Variants in RAB33A observed in about 807,000 individuals in gnomAD.
The protein encoded by RAB33A is ras-related protein Rab-33A.
A neutral mutation model predicts 12.0 loss-of-function variants in RAB33A; 6 were observed. That is an observed-to-expected ratio of 0.50 (90% CI 0.27 to 0.99). RAB33A has a LOEUF of 0.99. Ranked by LOEUF, RAB33A falls within the 50% of genes least tolerant of loss-of-function variation. RAB33A has a pLI of 0.11. For synonymous variants in RAB33A, 70 were observed against 82.4 expected (o/e 0.85, Z 0.81); for missense variants, 109 against 192.0 (o/e 0.57, Z 2.55).
At chrX:130,156,983 A>G in the RAB33A span, among the ~76,000 whole-genome samples, 6 of 112,204 alleles carry the variant, frequency 5.3e-5, no homozygotes, top group South Asian at 2.2e-3. Context: ...CTGGGACATT[A>G]TAACAACCAT....
At chrX:130,171,950 A>G (rs779864370), upstream of RAB33A, 233 of 862,430 alleles carry the variant, frequency 2.7e-4, no homozygotes, top group Middle Eastern at 4.3e-4. Context: ...ACACACACAC[A>G]CGCGCGCACA....
rs993390362 is a variant in RAB33A, at chrX:130,184,664, C to T, written c.638C>T (p.Ala213Val). Residue 213 changes from alanine (A) to valine (V), a missense_variant, in exon 2 of 2, where the codon GCT (alanine) becomes GTT (valine). Transcript: ENST00000257017. ...CAGAAATCCCTGCTGTATCGTGATG[C>T]TGAGAGGCAGCAGGGGAAGGTGCAG... is the stretch of plus-strand genomic sequence containing the variant. ...KAQKSLLYRD[A>V]ERQQGKVQKL... The T allele has an allele frequency of 2.5e-6, 3 of 1,211,892 alleles. No homozygotes were observed. The highest frequency in any genetic ancestry group is 4.3e-5 in the Admixed American group (2 of 46,036).
At chrX:130,150,831 TG>T in the RAB33A span, among the ~76,000 whole-genome samples, 1 of 102,573 alleles carries the variant, frequency 9.7e-6, no homozygotes, top group Non-Finnish European at 2.0e-5. Flanking sequence ...AAAAATTAGC[TG>T]GGTGAGGTGA....
chrX:130,165,363 G>T, the RAB33A span, among the ~76,000 whole-genome samples: 3 of 112,367 alleles, frequency 2.7e-5, no homozygotes, highest in African/African-American at 6.5e-5. Flanking sequence ...TCTCTTGAAG[G>T]TCAGGTCGGC....
chrX:130,132,742 C>CTTT, the RAB33A span, among the ~76,000 whole-genome samples: 35 of 69,853 alleles, frequency 5.0e-4, 1 homozygote, highest in African/African-American at 1.4e-3. Flanking sequence ...TCTGACACTC[C>CTTT]TTTTTTTTTT....
At chrX:130,136,223 G>A in the RAB33A span, 18 of 1,204,706 alleles carry the variant, frequency 1.5e-5, no homozygotes, top group East Asian at 5.3e-4. Flanking sequence ...AATTACCACA[G>A]TTTCCATTTA....
the RAB33A span, chrX:130,138,629 G>C: frequency 8.3e-7 from 1 of 1,210,589 alleles, no homozygotes; most frequent in East Asian, 3.0e-5. Flanking sequence ...TCGCTACCAA[G>C]GAAGCCCCCA....
chrX:130,151,751 G>C, the RAB33A span, among the ~76,000 whole-genome samples: 1 of 112,203 alleles, frequency 8.9e-6, no homozygotes, highest in Non-Finnish European at 1.9e-5. Context: ...TTTTAAGAAA[G>C]GGACTTTAGC....
At chrX:130,118,962 G>GATGT in the RAB33A span, among the ~76,000 whole-genome samples, 1 of 111,741 alleles carries the variant, frequency 8.9e-6, no homozygotes, top group Non-Finnish European at 1.9e-5. Context: ...TGCGTCTCAG[G>GATGT]ATGTCTACGT....
the RAB33A span, chrX:130,165,989 C>T: frequency 2.5e-5 from 8 of 313,937 alleles, no homozygotes; most frequent in Non-Finnish European, 2.3e-5. Context: ...GTTTGTGGCA[C>T]AGTGTTGGAC....
At chrX:130,158,120 C>T in the RAB33A span, among the ~76,000 whole-genome samples, 27 of 108,135 alleles carry the variant, frequency 2.5e-4, no homozygotes, top group Non-Finnish European at 4.0e-4. Context: ...AAAAATTAGC[C>T]GGGCGTGGTG....
At position 130,184,221 on chromosome X, in the gene RAB33A, T is replaced by C. The variant is rs777546614; in HGVS notation, c.259-64T>C. 93 of 1,029,836 alleles carry C rather than the reference T, an allele frequency of 9.0e-5. No individual in the cohort carries two copies. The African/African-American group carries it at 1.4e-3, about 16-fold the overall frequency. 84.9% of individuals were successfully genotyped at this position (1,029,836 alleles called of 1,213,427 possible). On this transcript the variant is annotated intron_variant, in intron 1 of 1. Transcript: ENST00000257017. The stretch of plus-strand genomic sequence containing the variant: ...TCATTTTTATAGTGCTACAGAACCA[T>C]GTTTTCTCCTCTCTGTTCATGTTCC...
the RAB33A span, among the ~76,000 whole-genome samples, chrX:130,115,655 A>G: frequency 1.3e-5 from 1 of 76,809 alleles, no homozygotes; most frequent in Non-Finnish European, 2.8e-5. Flanking sequence ...AAAAGAAAGA[A>G]AGAGAGAAAG....
At chrX:130,132,576 T>C in the RAB33A span, among the ~76,000 whole-genome samples, 1 of 112,325 alleles carries the variant, frequency 8.9e-6, no homozygotes, top group East Asian at 2.8e-4. Context: ...AAACTTTTTA[T>C]TTAAAAAATT....
At chrX:130,181,820 G>T (rs890521555) in intron 1 of RAB33A, among the ~76,000 whole-genome samples, 2 of 110,038 alleles carry the variant, frequency 1.8e-5, no homozygotes, top group Non-Finnish European at 3.8e-5. Context: ...GGTGGCGCAC[G>T]ACTGTAATCC....
At chrX:130,127,047 G>A in the RAB33A span, among the ~76,000 whole-genome samples, 1 of 111,678 alleles carries the variant, frequency 9.0e-6, no homozygotes, top group Non-Finnish European at 1.9e-5. Flanking sequence ...GTGTGTGTGT[G>A]TGTGTGTGTG....
chrX:130,143,333 C>CTG, the RAB33A span, among the ~76,000 whole-genome samples: 2 of 112,205 alleles, frequency 1.8e-5, no homozygotes, highest in Non-Finnish European at 3.8e-5. Context: ...TGGTCCAAAA[C>CTG]TGAATTTTAT....
At chrX:130,167,785 T>G (rs2031557483), upstream of RAB33A, among the ~76,000 whole-genome samples, 1 of 109,814 alleles carries the variant, frequency 9.1e-6, no homozygotes, top group Non-Finnish European at 1.9e-5. Flanking sequence ...GACAGGCAAG[T>G]ATGGTGGGGG....
At chrX:130,117,086 C>T in the RAB33A span, among the ~76,000 whole-genome samples, 7 of 111,701 alleles carry the variant, frequency 6.3e-5, no homozygotes, top group South Asian at 7.4e-4. Context: ...TGGTGGCGGG[C>T]TCCTGTAGTC....
Sources: gnomAD v4.1 joint callset for allele counts (sites outside exome capture counted in the v4.1 genomes callset) on GRCh38, gnomAD v4.1.1 for gene constraint, MANE v1.5 for transcripts, NCBI Gene and HGNC (gene_info 2026-07-23, HGNC 2026-07-21) for gene names.